NFATC2: variants seen among roughly 807,000 people sequenced by gnomAD.
NFATC2 encodes nuclear factor of activated T-cells, cytoplasmic 2.
NFATC2 carries 22 observed loss-of-function variants against 87.3 expected under a neutral mutation model. That is an observed-to-expected ratio of 0.25 (90% confidence interval 0.18 to 0.36). NFATC2 has a LOEUF of 0.36. Among genes scored for constraint, NFATC2 ranks in the 10% least tolerant of loss-of-function variants. NFATC2 has a pLI of 1.00. For synonymous variants in NFATC2, 565 were observed against 542.2 expected (o/e 1.04, Z -0.58); for missense variants, 1,149 against 1,259.1 (o/e 0.91, Z 1.32).
At chr20:51,435,794 G>C (rs1568974803) in intron 6 of NFATC2, 33 bp from the exon 7 acceptor site, 1 of 1,554,324 alleles carries the variant, frequency 6.4e-7, no homozygotes. Flanking sequence ...GACTTTGAAG[G>C]AACTATTAGA....
At chr20:51,548,130 T>C (rs944433383) in intron 1 of NFATC2, among the ~76,000 whole-genome samples, 1 of 152,116 alleles carries the variant, frequency 6.6e-6, no homozygotes, top group African/African-American at 2.4e-5. Flanking sequence ...TCTCCCCTTC[T>C]CTTACTCCCT....
chr20:51,427,842 G>A lies in NFATC2; in HGVS notation c.2722+4225C>T, dbSNP rs886993339. On this transcript the variant is annotated intron_variant, in intron 9 of 10. Transcript: ENST00000371564. ...CAGCCACCCTCTCGCTCCTAACCCC[G>A]TGGAATTTTCCCTGTGGCTTTCATT... 4.6e-5 allele frequency among the ~76,000 whole-genome samples: 7 copies of A among 152,276 alleles called. No individual in the cohort carries two copies. The East Asian group carries it at 5.8e-4, about 13-fold the overall frequency.
At chr20:51,504,324 C>T (rs1270884854) in intron 3 of NFATC2, among the ~76,000 whole-genome samples, 2 of 152,204 alleles carry the variant, frequency 1.3e-5, no homozygotes, top group South Asian at 2.1e-4. Flanking sequence ...TCAGTAGAGC[C>T]GGGGTTTCAT....
intron 1 of NFATC2, among the ~76,000 whole-genome samples, chr20:51,538,321 T>C (rs935091651): frequency 3.9e-5 from 6 of 152,116 alleles, no homozygotes; most frequent in African/African-American, 7.2e-5. Context: ...AATAAGATCA[T>C]ATTTTTCCAT....
chr20:51,511,398 A>T (rs1269840610), intron 3 of NFATC2, among the ~76,000 whole-genome samples: 1 of 152,208 alleles, frequency 6.6e-6, no homozygotes, highest in Non-Finnish European at 1.5e-5. Context: ...GCCTCTGGTG[A>T]TGCAGCGTGT....
intron 8 of NFATC2, among the ~76,000 whole-genome samples, chr20:51,433,777 G>GTC (rs1298978494): frequency 6.6e-6 from 1 of 151,868 alleles, no homozygotes; most frequent in Non-Finnish European, 1.5e-5. Flanking sequence ...GTGTGTGTGT[G>GTC]TGTGTGTGTG....
intron 6 of NFATC2, among the ~76,000 whole-genome samples, chr20:51,438,443 G>GAAAAAAAA (rs11474098): frequency 1.5e-4 from 21 of 138,998 alleles, no homozygotes; most frequent in Admixed American, 2.9e-4. Flanking sequence ...AGCTTGCTTT[G>GAAAAAAAA]AAAAAAAAAA....
At chr20:51,512,641 G>A (rs2076290368) in intron 3 of NFATC2, among the ~76,000 whole-genome samples, 1 of 152,100 alleles carries the variant, frequency 6.6e-6, no homozygotes, top group Non-Finnish European at 1.5e-5. Flanking sequence ...ATTTTTAATT[G>A]TACACTTAAG....
chr20:51,466,248 T>A (rs1051437344), intron 5 of NFATC2, among the ~76,000 whole-genome samples: 3 of 152,130 alleles, frequency 2.0e-5, no homozygotes, highest in African/African-American at 7.2e-5. Context: ...AGACGGGGTT[T>A]CGCCATGTTG....
At chr20:51,406,434 A>G (rs1027091815) in intron 9 of NFATC2, among the ~76,000 whole-genome samples, 2 of 152,164 alleles carry the variant, frequency 1.3e-5, no homozygotes, top group African/African-American at 4.8e-5. Flanking sequence ...GGGAGCAGAT[A>G]CTGAGATTTA....
At chr20:51,484,842 G>A (rs1600844263) in intron 3 of NFATC2, among the ~76,000 whole-genome samples, 2 of 152,274 alleles carry the variant, frequency 1.3e-5, no homozygotes, top group African/African-American at 4.8e-5. Context: ...GACCCAGCTG[G>A]GATCCCACTG....
chr20:51,464,353 C>T (rs1187745092), intron 5 of NFATC2, among the ~76,000 whole-genome samples: 1 of 152,190 alleles, frequency 6.6e-6, no homozygotes, highest in East Asian at 1.9e-4. Flanking sequence ...ATTATTCTCC[C>T]CATTTTACAG....
intron 9 of NFATC2, among the ~76,000 whole-genome samples, chr20:51,402,734 A>G (rs995503575): frequency 5.9e-5 from 9 of 152,102 alleles, no homozygotes; most frequent in African/African-American, 2.2e-4. Context: ...CAGGTCAGAC[A>G]CTCCCAGGTG....
At chr20:51,466,233 A>G (rs1328485709) in intron 5 of NFATC2, among the ~76,000 whole-genome samples, 4 of 152,072 alleles carry the variant, frequency 2.6e-5, no homozygotes, top group Admixed American at 2.0e-4. Context: ...TTGTATTTTT[A>G]GTAGAGACGG....
intron 1 of NFATC2, among the ~76,000 whole-genome samples, chr20:51,539,794 C>T (rs538127213): frequency 6.6e-6 from 1 of 152,034 alleles, no homozygotes; most frequent in African/African-American, 2.4e-5. Flanking sequence ...CCACCACTCC[C>T]GGCCACAGCA....
chr20:51,533,069 G>A (rs2146765989), intron 1 of NFATC2, among the ~76,000 whole-genome samples: 1 of 152,340 alleles, frequency 6.6e-6, no homozygotes, highest in East Asian at 1.9e-4. Context: ...TGTCGCCAAG[G>A]CAGCACTTAG....
chr20:51,523,821 C>T lies in NFATC2; in HGVS notation c.420G>A (p.Pro140=), dbSNP rs1212453210. 9 of 1,608,446 alleles carry T rather than the reference C, an allele frequency of 5.6e-6. No individual in the cohort carries two copies. The highest frequency in any genetic ancestry group is 1.3e-5 in the African/African-American group (1 of 74,754). The change falls in exon 2 of 11, where the codon CCG becomes CCA. Residue 140 remains proline (P), a synonymous_variant. Coordinates refer to ENST00000371564, the MANE Select transcript of NFATC2 (RefSeq NM_012340.5). This position sits in a 1 kb window ranked among gnomAD's most constrained non-coding sequence, Gnocchi z 6.9. The part of the protein sequence containing the change: ...MRDAGLLVEQ[P]PLAGVAASPR... ...GGCTGGCGGCCACCCCGGCCAGGGG[C>T]GGCTGCTCCACCAGGAGGCCCGCGT...
At chr20:51,538,372 G>A (rs1001675292) in intron 1 of NFATC2, among the ~76,000 whole-genome samples, 1 of 151,790 alleles carries the variant, frequency 6.6e-6, no homozygotes. Flanking sequence ...ACTCCCATTT[G>A]TAATAAAAAC....
At chr20:51,489,507 T>C (rs746789369) in intron 3 of NFATC2, among the ~76,000 whole-genome samples, 3 of 152,200 alleles carry the variant, frequency 2.0e-5, no homozygotes, top group Non-Finnish European at 4.4e-5. Context: ...CTAAGTCTAA[T>C]TGAAGGACTC....
Sources: allele counts gnomAD v4.1 joint callset (sites outside exome capture counted in the v4.1 genomes callset), GRCh38; gene constraint gnomAD v4.1.1; non-coding constraint Gnocchi (gnomAD v3.1); transcripts MANE v1.5; gene names NCBI Gene and HGNC (gene_info 2026-07-23, HGNC 2026-07-21).